KIAA1549L: variants seen among roughly 807,000 people sequenced by gnomAD.
The protein encoded by KIAA1549L is UPF0606 protein KIAA1549L.
In KIAA1549L, 88 loss-of-function variants were observed where a neutral mutation model predicts 160.7. The observed-to-expected ratio is 0.55, with a 90% CI of 0.46 to 0.65. The LOEUF is 0.65. Ranked by LOEUF, KIAA1549L falls within the 30% of genes least tolerant of loss-of-function variation. The pLI, the probability that KIAA1549L is intolerant of heterozygous loss-of-function variation, is 0.00. For missense variants in KIAA1549L, 2,258 were observed against 2,437.5 expected, an observed-to-expected ratio of 0.93 and a Z score of 1.55; for synonymous variants, 950 against 976.7, an observed-to-expected ratio of 0.97 and a Z score of 0.51.
At chr11:33,631,330 A>C (rs866744172) in intron 16 of KIAA1549L, among the ~76,000 whole-genome samples, 3 of 151,958 alleles carry the variant, frequency 2.0e-5, no homozygotes, top group Admixed American at 6.6e-5. Context: ...ACCTTCCCCA[A>C]ACTTGTCCTG....
intron 1 of KIAA1549L, among the ~76,000 whole-genome samples, chr11:33,443,529 C>T (rs146237876): frequency 2.6e-5 from 4 of 152,202 alleles, no homozygotes; most frequent in Non-Finnish European, 5.9e-5. Context: ...GAATCTGGTC[C>T]TAAACCCAAA....
rs1849961447 is a variant in KIAA1549L, at chr11:33,376,742, G to C, written c.91G>C (p.Gly31Arg). 1 of 151,478 alleles carries C rather than the reference G, an allele frequency of 6.6e-6. No homozygotes were observed. The highest frequency in any genetic ancestry group is 2.4e-5 in the African/African-American group (1 of 41,346). The allele number at this position is 151,478 out of a possible 1,614,324, so 9.4% of individuals were successfully genotyped here. A position where few individuals can be genotyped will look rare whatever the true frequency, so the allele number is the denominator to read the frequency against. Residue 31 changes from glycine to arginine, a missense_variant, in exon 1 of 21, where the codon GGT becomes CGT. Coordinates refer to ENST00000658780, the MANE Select transcript of KIAA1549L (RefSeq NM_012194.3). This position sits in a 1 kb window ranked among gnomAD's most constrained non-coding sequence, Gnocchi z 5.8. ...RGGRPVARGL[G>R]RAAWGAARCT... ...GGGCCGGCCCGTGGCGCGTGGGCTT[G>C]GTCGGGCTGCCTGGGGAGCCGCGCG...
chr11:33,563,983 G>GTCT (rs754467755), intron 8 of KIAA1549L, among the ~76,000 whole-genome samples: 26 of 152,068 alleles, frequency 1.7e-4, no homozygotes, highest in Non-Finnish European at 3.4e-4. Flanking sequence ...TCCATTCCAG[G>GTCT]TCTTTTTTTC....
chr11:33,613,260 G>C (rs1442084470), intron 15 of KIAA1549L, among the ~76,000 whole-genome samples: 1 of 152,080 alleles, frequency 6.6e-6, no homozygotes. Flanking sequence ...AACCTCACCA[G>C]CATCTACTAT....
At chr11:33,572,685 AGTTT>A (rs1855304626) in intron 9 of KIAA1549L, among the ~76,000 whole-genome samples, 1 of 152,216 alleles carries the variant, frequency 6.6e-6, no homozygotes, top group Non-Finnish European at 1.5e-5. Context: ...AATATACTAC[AGTTT>A]GTTTATCCAT....
chr11:33,392,573 G>A (rs1850292046), intron 1 of KIAA1549L, among the ~76,000 whole-genome samples: 1 of 152,160 alleles, frequency 6.6e-6, no homozygotes, highest in Non-Finnish European at 1.5e-5. Context: ...GATATAGCAT[G>A]TGACCATGAC....
chr11:33,609,611 A>G (rs1850593329), intron 14 of KIAA1549L, 138 bp from the exon 15 acceptor site: 1 of 651,514 alleles, frequency 1.5e-6, no homozygotes. Context: ...AATGGGATGC[A>G]GGTGGGCCTG....
In KIAA1549L at chr11:33,569,408, G is replaced by A. The variant is rs150027805; in HGVS notation, c.4230+1181G>A. Among the ~76,000 whole-genome samples, 298 of 152,322 alleles carry A rather than the reference G, an allele frequency of 2.0e-3. 1 individual carries two copies. Among genetic ancestry groups the A allele is most frequent in the Admixed American group, 3.6e-3 (55 of 15,290 alleles). ...GTGGGGACTTCCTACCTGGAATTGA[G>A]CAGACTACCCCTGGCATGTGAACCC... On this transcript the variant is annotated intron_variant, in intron 9 of 20. Transcript: ENST00000658780.
chr11:33,528,625 T>C (rs4755693), intron 1 of KIAA1549L, among the ~76,000 whole-genome samples: 38,665 of 152,140 alleles, frequency 0.25, 5,094 homozygotes, highest in East Asian at 0.34. Context: ...CATATAGATA[T>C]ACACCATGGA....
chr11:33,557,403 T>A (rs1333421109), intron 6 of KIAA1549L, among the ~76,000 whole-genome samples: 3 of 152,316 alleles, frequency 2.0e-5, no homozygotes, highest in African/African-American at 7.2e-5. Flanking sequence ...TGAAGTTTTT[T>A]AAATTGTTCA....
chr11:33,526,005 C>A lies in KIAA1549L; in HGVS notation c.239-15797C>A, dbSNP rs193253363. Among the ~76,000 whole-genome samples the A allele has an allele frequency of 3.3e-3, 501 of 152,200 alleles. 1 individual carries two copies. The highest frequency in any genetic ancestry group is 5.3e-3 in the Non-Finnish European group (357 of 67,992). ...TGCCCAAAGAGAGTCTGAGTTCAGACCCGCCTACCCCAGCCCCACCTGATG... is the reference window on the plus strand; with the variant it reads ...TGCCCAAAGAGAGTCTGAGTTCAGAACCGCCTACCCCAGCCCCACCTGATG... On this transcript the variant is annotated intron_variant, in intron 1 of 20. Transcript: ENST00000658780.
intron 20 of KIAA1549L, among the ~76,000 whole-genome samples, chr11:33,663,975 C>G (rs560504099): frequency 9.2e-4 from 140 of 152,328 alleles, no homozygotes; most frequent in African/African-American, 3.1e-3. Context: ...AATACGTACC[C>G]CATGTCCTGG....
chr11:33,554,018 G>A (rs950427520), intron 6 of KIAA1549L, among the ~76,000 whole-genome samples: 1 of 152,146 alleles, frequency 6.6e-6, no homozygotes, highest in African/African-American at 2.4e-5. Context: ...ATAATTGGAT[G>A]AATTGTTTTT....
chr11:33,647,093 A>G (rs1590436745), intron 17 of KIAA1549L, among the ~76,000 whole-genome samples: 1 of 152,206 alleles, frequency 6.6e-6, no homozygotes, highest in African/African-American at 2.4e-5. Context: ...CTATAAAAAT[A>G]TTAATCATGG....
chr11:33,428,877 C>T (rs965624173), intron 1 of KIAA1549L, among the ~76,000 whole-genome samples: 1 of 152,228 alleles, frequency 6.6e-6, no homozygotes, highest in Non-Finnish European at 1.5e-5. Flanking sequence ...AATTGCCACA[C>T]TGTCTTTCAC....
chr11:33,593,547 T>C (rs978697845), intron 12 of KIAA1549L, among the ~76,000 whole-genome samples: 1 of 152,234 alleles, frequency 6.6e-6, no homozygotes, highest in Non-Finnish European at 1.5e-5. Flanking sequence ...ACAAGGCTAC[T>C]GCCGTGACCT....
rs886105466 is a variant in KIAA1549L, at chr11:33,654,121, T to C, written c.5761-1891T>C. The stretch of plus-strand genomic sequence containing the variant: ...CCGAGTAGCTGGGATTACAGGTGCG[T>C]GCCACCACGCCCAGCTAATTTTTTG... On this transcript the variant is annotated intron_variant, in intron 17 of 20. Coordinates refer to ENST00000658780, the MANE Select transcript of KIAA1549L (RefSeq NM_012194.3). 6.8e-4 allele frequency among the ~76,000 whole-genome samples: 103 copies of C among 151,316 alleles called. 2 individuals are homozygous for C. In the Middle Eastern group the frequency reaches 0.01, roughly 15 times the overall value.
chr11:33,530,239 C>CA (rs55962654), intron 1 of KIAA1549L, among the ~76,000 whole-genome samples: 41,270 of 134,422 alleles, frequency 0.31, 7,219 homozygotes, highest in African/African-American at 0.48. Context: ...CTAAAAAATA[C>CA]AAAAAAAAAA....
At chr11:33,650,725 C>G (rs1851860286) in intron 17 of KIAA1549L, among the ~76,000 whole-genome samples, 1 of 152,166 alleles carries the variant, frequency 6.6e-6, no homozygotes. Flanking sequence ...CTCTGTCATT[C>G]TCTTGCTCAA....
Sources: allele counts gnomAD v4.1 joint callset (sites outside exome capture counted in the v4.1 genomes callset), GRCh38; gene constraint gnomAD v4.1.1; non-coding constraint Gnocchi (gnomAD v3.1); transcripts MANE v1.5; gene names NCBI Gene and HGNC (gene_info 2026-07-23, HGNC 2026-07-21).